The following USP7 variants were observed in gnomAD, a reference collection of about 807,000 sequenced individuals.
USP7 encodes the protein ubiquitin specific peptidase 7.
In USP7, 9 loss-of-function variants were observed where a neutral mutation model predicts 162.9. That is an observed-to-expected ratio of 0.06 (90% CI 0.03 to 0.10). USP7 has a LOEUF of 0.10. Ranked by LOEUF, USP7 falls within the 10% of genes least tolerant of loss-of-function variation. USP7 has a pLI of 1.00. For missense variants in USP7, 715 were observed against 1,373.7 expected, an observed-to-expected ratio of 0.52 and a Z score of 7.58; for synonymous variants, 562 against 475.9, an observed-to-expected ratio of 1.18 and a Z score of -2.35.
chr16:8,901,366 G>A, intron 18 of USP7, 132 bp from the exon 19 acceptor site: 3 of 660,626 alleles, frequency 4.5e-6, no homozygotes, highest in Non-Finnish European at 5.2e-6. Flanking sequence ...CAAGTGAAAT[G>A]ACAGCTTAAG....
At chr16:8,905,653 CAACT>C (rs2061848258) in intron 13 of USP7, among the ~76,000 whole-genome samples, 1 of 152,152 alleles carries the variant, frequency 6.6e-6, no homozygotes, top group African/African-American at 2.4e-5. Context: ...CTGACACTAC[CAACT>C]CTTTACAGAA....
intron 3 of USP7, among the ~76,000 whole-genome samples, chr16:8,921,675 C>T (rs1485021838): frequency 1.3e-5 from 2 of 152,190 alleles, no homozygotes; most frequent in African/African-American, 4.8e-5. Context: ...CCTAGGATGC[C>T]CTCCAGCACA....
At chr16:8,916,586 T>A in intron 7 of USP7, 30 bp from the exon 8 acceptor site, 2 of 1,449,216 alleles carry the variant, frequency 1.4e-6, no homozygotes, top group African/African-American at 2.6e-5. Context: ...CAACTCCATT[T>A]AAAGCTCAAC....
At chr16:8,901,311 CAAAA>C (rs1178554072) in intron 18 of USP7, 77 bp from the exon 19 acceptor site, 3 of 856,700 alleles carry the variant, frequency 3.5e-6, no homozygotes, top group Middle Eastern at 2.5e-4. Context: ...AACAAACAAA[CAAAA>C]AAACGAAAAA....
chr16:8,921,310 A>C lies in USP7; in HGVS notation c.384-15T>G, dbSNP rs779177713. 6.2e-7 allele frequency: 1 copy of C among 1,609,750 alleles called. No homozygotes were observed. The highest frequency in any genetic ancestry group is 1.1e-5 in the South Asian group (1 of 90,386). On this transcript the variant is annotated splice_polypyrimidine_tract_variant and intron_variant, in intron 3 of 30. Transcript: ENST00000344836. ...AAGACCATGACCTGTTTAAAAGAAT[A>C]ATCTGAGCCTTAGTTGACATTATTT...
chr16:8,908,559 ACAAAGG>A, intron 11 of USP7, 109 bp from the exon 12 acceptor site: 1 of 903,212 alleles, frequency 1.1e-6, no homozygotes. Flanking sequence ...GACTCTGGAG[ACAAAGG>A]CAGGGAAGTT....
rs561576032 is a variant in USP7, at chr16:8,892,962, C to T, written c.*1036G>A. The T allele has an allele frequency of 6.6e-6, 1 of 152,208 alleles. No individual in the cohort carries two copies. The highest frequency in any genetic ancestry group is 2.4e-5 in the African/African-American group (1 of 41,538). 9.4% of individuals were successfully genotyped at this position (152,208 alleles called of 1,614,324 possible). A position where few individuals can be genotyped will look rare whatever the true frequency, so the allele number is the denominator to read the frequency against. ...ACTAGACACGCAGCTGGCATTAGCT[C>T]CAAAATAAAAGGAAACGGGGCTGGG... On this transcript the variant is annotated 3_prime_UTR_variant, in exon 31 of 31. Transcript: ENST00000344836.
chr16:8,895,037 T>C lies in USP7; in HGVS notation c.3033A>G (p.Ile1011Met). The change falls in exon 28 of 31, where the codon ATA becomes ATG. Residue 1011 changes from isoleucine (I) to methionine (M), a missense_variant. By Grantham distance (10) the Ile-to-Met change is conservative. Transcript: ENST00000344836. ...GTFGIPFLLR[I>M]HQGEHFREVM... ...GCCAACCACAACAGCATACCTGGTG[T>C]ATCCTCAGCAAAAACGGGATTCCGA... The C allele has an allele frequency of 1.9e-6, 3 of 1,614,214 alleles. No individual in the cohort carries two copies. The highest frequency in any genetic ancestry group is 2.5e-6 in the Non-Finnish European group (3 of 1,180,044).
In USP7 at chr16:8,894,005, T is replaced by C. The variant is rs1229110038; in HGVS notation, c.3302A>G (p.His1101Arg). ...YTYLEKAIKI[H>R]N ...AACACACCAGCTTGGAAATCAGTTA[T>C]GGATTTTAATGGCCTTTTCAAGGTA... is the stretch of plus-strand genomic sequence containing the variant. Residue 1101 changes from histidine to arginine, a missense_variant, in exon 31 of 31, where the codon CAT (histidine) becomes CGT (arginine). Around this residue, in one of 11 missense-constraint regions of USP7, gnomAD observed 222 missense variants for 441.7 expected, o/e 0.50. Transcript: ENST00000344836. 6.2e-7 allele frequency: 1 copy of C among 1,614,094 alleles called. No individual in the cohort carries two copies. Among genetic ancestry groups the C allele is most frequent in the Non-Finnish European group, 8.5e-7 (1 of 1,179,980 alleles).
intron 2 of USP7, 34 bp from the exon 3 acceptor site, chr16:8,923,447 T>A: frequency 1.9e-6 from 3 of 1,609,226 alleles, no homozygotes; most frequent in Non-Finnish European, 1.7e-6. Flanking sequence ...TCACAGAGCC[T>A]GTGCATTGAC....
At chr16:8,896,231 G>C (rs2061679953) in intron 26 of USP7, among the ~76,000 whole-genome samples, 2 of 149,532 alleles carry the variant, frequency 1.3e-5, no homozygotes, top group South Asian at 4.2e-4. Context: ...TGAAGCATAA[G>C]ATTAAAGGGC....
At chr16:8,938,018 A>G (rs1331905772) in intron 1 of USP7, among the ~76,000 whole-genome samples, 2 of 152,144 alleles carry the variant, frequency 1.3e-5, no homozygotes, top group East Asian at 1.9e-4. Flanking sequence ...ATTCTCAGGT[A>G]ATCGTCACTG....
chr16:8,952,061 TAAATA>T (rs1567247225), intron 1 of USP7, among the ~76,000 whole-genome samples: 1 of 72,816 alleles, frequency 1.4e-5, no homozygotes, highest in East Asian at 4.5e-4. Flanking sequence ...GGAGGGTGTT[TAAATA>T]AAAAAGTAGA....
chr16:8,904,289 CTG>C, intron 15 of USP7, 144 bp downstream of exon 15: 1 of 1,413,774 alleles, frequency 7.1e-7, no homozygotes, highest in Non-Finnish European at 9.5e-7. Flanking sequence ...GGAGTGGGGA[CTG>C]ACCTGCACTT....
chr16:8,941,647 T>C (rs1899049981), intron 1 of USP7, among the ~76,000 whole-genome samples: 1 of 152,202 alleles, frequency 6.6e-6, no homozygotes. Context: ...GTAGCCTTGC[T>C]TGGTACCAGG....
At chr16:8,921,826 A>G (rs1897707331) in intron 3 of USP7, among the ~76,000 whole-genome samples, 1 of 152,198 alleles carries the variant, frequency 6.6e-6, no homozygotes. Context: ...GGGGTGGACC[A>G]CAAAAGGGCC....
chr16:8,928,022 C>T (rs1341718178), intron 2 of USP7, among the ~76,000 whole-genome samples: 1 of 152,134 alleles, frequency 6.6e-6, no homozygotes, highest in Non-Finnish European at 1.5e-5. Flanking sequence ...TTGGTCATCT[C>T]ATGAAAAATA....
At chr16:8,920,296 A>T in intron 5 of USP7, 63 bp downstream of exon 5, 2 of 1,427,466 alleles carry the variant, frequency 1.4e-6, no homozygotes, top group South Asian at 1.2e-5. Context: ...CATGCACGCT[A>T]AAGCTTCTTT....
intron 10 of USP7, among the ~76,000 whole-genome samples, chr16:8,911,068 T>A (rs2061939007): frequency 1.3e-5 from 2 of 152,210 alleles, no homozygotes; most frequent in South Asian, 4.1e-4. Context: ...GAGGTAACAG[T>A]TAAGGTTTTA....
Sources: allele counts gnomAD v4.1 joint callset (sites outside exome capture counted in the v4.1 genomes callset), GRCh38; gene constraint gnomAD v4.1.1; regional missense constraint gnomAD v4.1.1; transcripts MANE v1.5; gene names NCBI Gene and HGNC (gene_info 2026-07-23, HGNC 2026-07-21).